Variants in BOC observed in about 807,000 individuals in gnomAD.
BOC encodes the protein BOC cell adhesion associated, oncogene regulated.
BOC carries 76 observed loss-of-function variants against 112.0 expected under a neutral mutation model. The observed-to-expected ratio is 0.68, with a 90% CI of 0.56 to 0.82. The LOEUF (loss-of-function observed/expected upper bound fraction) is 0.82. Among genes scored for constraint, BOC ranks in the 40% least tolerant of loss-of-function variants. The pLI is 0.00. For synonymous variants in BOC, 580 were observed against 599.8 expected, an observed-to-expected ratio of 0.97 and a Z score of 0.48; for missense variants, 1,309 against 1,511.7, an observed-to-expected ratio of 0.87 and a Z score of 2.22.
rs780414960 is a variant in BOC, at chr3:113,273,287, G to A, written c.1180G>A (p.Glu394Lys). Residue 394 changes from glutamate (E) to lysine (K), a missense_variant, in exon 8 of 20, where the codon GAG becomes AAG. Physicochemically the swap from Glu to Lys is moderately conservative, Grantham distance 56 (BLOSUM62 1). Transcript: ENST00000682979. ...EDEGVYQCMA[E>K]NEVGSAHAVV... ...CGAAGGCGTCTACCAGTGCATGGCCGAGAACGAGGTTGGGAGCGCCCATGC... is the reference window on the plus strand; with the variant it reads ...CGAAGGCGTCTACCAGTGCATGGCCAAGAACGAGGTTGGGAGCGCCCATGC... 3.1e-5 allele frequency: 49 copies of A among 1,606,136 alleles called. 1 individual carries two copies. The Admixed American group carries it at 6.3e-4, about 21-fold the overall frequency.
At chr3:113,233,770 T>A (rs1208122963) in intron 2 of BOC, among the ~76,000 whole-genome samples, 1 of 152,152 alleles carries the variant, frequency 6.6e-6, no homozygotes, top group Non-Finnish European at 1.5e-5. Flanking sequence ...GTCAGGCGCC[T>A]ACTTCTCTTT....
intron 17 of BOC, 69 bp downstream of exon 17, chr3:113,284,636 G>T (rs1344008550): frequency 1.3e-6 from 2 of 1,542,446 alleles, no homozygotes; most frequent in African/African-American, 2.7e-5. Flanking sequence ...CTGCCTTGGG[G>T]GGCCTCCTCC....
rs557813207 is a variant in BOC at position 113,279,705 on chromosome 3, A to T, written c.2024-119A>T. 2.0e-3 allele frequency: 2,251 copies of T among 1,136,628 alleles called. 3 individuals are homozygous for T. The highest frequency in any genetic ancestry group is 2.2e-3 in the Non-Finnish European group (1,803 of 803,864). The allele number at this position is 1,136,628 out of a possible 1,614,324, so 70.4% of individuals were successfully genotyped here. On this transcript the variant is annotated intron_variant, in intron 12 of 19. Transcript: ENST00000682979. ...CGGGTGTTCTTGTGAGGCCTTTGAGAACTTGCTTTGGGGAAGGGCTGCCCA... is the reference window on the plus strand; with the variant it reads ...CGGGTGTTCTTGTGAGGCCTTTGAGTACTTGCTTTGGGGAAGGGCTGCCCA...
At position 113,278,839 on chromosome 3, in the gene BOC, G is replaced by T; in HGVS notation, c.1816+56G>T. On this transcript the variant is annotated intron_variant, in intron 11 of 19. Coordinates refer to ENST00000682979, the MANE Select transcript of BOC (RefSeq NM_001378074.1). The surrounding 1 kb of genome is among the most constrained non-coding windows in gnomAD (Gnocchi z 4.2). ...AGTCAGGACTGGAACTGCCTCAGAGGCCTGTTCCCATGGCTGAATGGGGTC... is the reference window on the plus strand; with the variant it reads ...AGTCAGGACTGGAACTGCCTCAGAGTCCTGTTCCCATGGCTGAATGGGGTC... The T allele has an allele frequency of 6.8e-7, 1 of 1,466,248 alleles. No homozygotes were observed. Among genetic ancestry groups the T allele is most frequent in the African/African-American group, 1.4e-5 (1 of 71,284 alleles). The allele number at this position is 1,466,248 out of a possible 1,614,324, so 90.8% of individuals were successfully genotyped here.
chr3:113,228,136 G>A lies in BOC; in HGVS notation c.-82+11862G>A, dbSNP rs76686628. Among the ~76,000 whole-genome samples, 1,471 of 152,272 alleles carry A rather than the reference G, an allele frequency of 9.7e-3. 12 individuals are homozygous for A. The highest frequency in any genetic ancestry group is 0.016 in the Non-Finnish European group (1,071 of 68,010). ...ATTTTACCTTTGGATTCCCAGAGCC[G>A]AGTATTTAATGGATGTTCAATAAGC... On this transcript the variant is annotated intron_variant, in intron 2 of 19. Transcript: ENST00000682979.
intron 4 of BOC, among the ~76,000 whole-genome samples, chr3:113,260,781 C>A (rs759901014): frequency 3.3e-5 from 5 of 149,638 alleles, no homozygotes; most frequent in Non-Finnish European, 7.4e-5. Flanking sequence ...GAATAGGGTT[C>A]ACCATTAGAG....
intron 2 of BOC, among the ~76,000 whole-genome samples, chr3:113,245,132 A>C (rs57661011): frequency 0.033 from 5,021 of 152,326 alleles, 275 homozygotes; most frequent in African/African-American, 0.11. Context: ...ATTAAAAAAA[A>C]TTTTAATTAA....
chr3:113,219,911 T>C (rs1275683018), intron 2 of BOC, among the ~76,000 whole-genome samples: 1 of 152,196 alleles, frequency 6.6e-6, no homozygotes, highest in African/African-American at 2.4e-5. Flanking sequence ...CCCCCTCCCC[T>C]GGGATGTTGT....
chr3:113,245,793 C>A (rs1057437082), intron 2 of BOC, among the ~76,000 whole-genome samples: 1 of 152,252 alleles, frequency 6.6e-6, no homozygotes, highest in Non-Finnish European at 1.5e-5. Context: ...ACATCACACT[C>A]TCTCCTATTC....
In BOC at chr3:113,278,689, C is replaced by G. The variant is rs767305367; in HGVS notation, c.1722C>G (p.Pro574=). Residue 574 remains proline (P), a synonymous_variant, in exon 11 of 20, where the codon CCC becomes CCG. Coordinates refer to ENST00000682979, the MANE Select transcript of BOC (RefSeq NM_001378074.1). The surrounding 1 kb of genome is among the most constrained non-coding windows in gnomAD (Gnocchi z 4.2). ...VTFRTGRRPK[P]EIMASKEQQI... Reference sequence around the variant, plus strand: ...TCCACCCAGGACGGCGGCCCAAACCCGAGATCATGGCCAGCAAAGAGCAGC... The same window carrying G: ...TCCACCCAGGACGGCGGCCCAAACCGGAGATCATGGCCAGCAAAGAGCAGC... 6.4e-7 allele frequency: 1 copy of G among 1,565,106 alleles called. No individual in the cohort carries two copies. The highest frequency in any genetic ancestry group is 8.7e-7 in the Non-Finnish European group (1 of 1,154,362).
At position 113,281,071 on chromosome 3, in the gene BOC, G is replaced by C; in HGVS notation, c.2352G>C (p.Glu784Asp). Residue 784 changes from glutamate to aspartate, a missense_variant, in exon 15 of 20, where the codon GAG (glutamate) becomes GAC (aspartate). Physicochemically the swap from Glu to Asp is conservative, Grantham distance 45. Coordinates refer to ENST00000682979, the MANE Select transcript of BOC (RefSeq NM_001378074.1). ...ACTCCATCAGCCACCTGCAGCCAGA[G>C]ACCTCCTACGACATTAAGATGCAGT... is the stretch of plus-strand genomic sequence containing the variant. ...YWHSISHLQP[E>D]TSYDIKMQCF... The C allele has an allele frequency of 6.2e-7, 1 of 1,614,126 alleles. No individual in the cohort carries two copies. The highest frequency in any genetic ancestry group is 8.5e-7 in the Non-Finnish European group (1 of 1,180,024).
At chr3:113,284,901 C>T in intron 18 of BOC, 43 bp downstream of exon 18, 1 of 1,569,722 alleles carries the variant, frequency 6.4e-7, no homozygotes, top group Non-Finnish European at 8.8e-7. Context: ...CCCACAGCCT[C>T]ACTTTCCCTT....
chr3:113,268,640 T>C (rs1947782615), intron 5 of BOC, among the ~76,000 whole-genome samples, 195 bp downstream of exon 5: 1 of 152,206 alleles, frequency 6.6e-6, no homozygotes, highest in African/African-American at 2.4e-5. Flanking sequence ...AGGATCTTGT[T>C]CTGTCACCCA....
chr3:113,285,637 T>C, intron 19 of BOC, 72 bp downstream of exon 19: 1 of 1,378,228 alleles, frequency 7.3e-7, no homozygotes. Context: ...CACAAGCCAG[T>C]AGTAACAGTC....
chr3:113,261,716 T>C (rs1486140069), intron 4 of BOC: 1 of 152,158 alleles, frequency 6.6e-6, no homozygotes, highest in African/African-American at 2.4e-5. Context: ...CATTGCAAAA[T>C]AGGTTCTTTT....
chr3:113,266,876 T>C (rs1947539482), intron 4 of BOC, among the ~76,000 whole-genome samples: 1 of 152,194 alleles, frequency 6.6e-6, no homozygotes, highest in Non-Finnish European at 1.5e-5. Flanking sequence ...TTCCATTACG[T>C]GGGAAGCCTC....
intron 9 of BOC, among the ~76,000 whole-genome samples, chr3:113,275,435 G>A (rs531215306): frequency 7.7e-4 from 118 of 152,314 alleles, no homozygotes; most frequent in South Asian, 5.6e-3. Context: ...CGCCACTCTC[G>A]CTCAAGGCCG....
Position 113,279,627 on chromosome 3 carries a change from C to T in BOC, c.2023+172C>T. On this transcript the variant is annotated intron_variant, in intron 12 of 19. Coordinates refer to ENST00000682979, the MANE Select transcript of BOC (RefSeq NM_001378074.1). Reference sequence around the variant, plus strand: ...CCACAGTCCTAAAGCCTTCTGCCTCCCTCCAGAAGAGCATCCAGAGCCATC... The same window carrying T: ...CCACAGTCCTAAAGCCTTCTGCCTCTCTCCAGAAGAGCATCCAGAGCCATC... The T allele has an allele frequency of 3.7e-6, 3 of 813,296 alleles. No individual in the cohort carries two copies. The South Asian group carries it at 5.4e-5, about 15-fold the overall frequency. 50.4% of individuals were successfully genotyped at this position (813,296 alleles called of 1,614,324 possible). A position where few individuals can be genotyped will look rare whatever the true frequency, so the allele number is the denominator to read the frequency against.
chr3:113,214,833 G>A (rs534959853), intron 1 of BOC, among the ~76,000 whole-genome samples: 1 of 152,366 alleles, frequency 6.6e-6, no homozygotes, highest in East Asian at 1.9e-4. Context: ...CAGGCTGAAA[G>A]CTTCCTTGTC....
Sources: gnomAD v4.1 joint callset for allele counts (sites outside exome capture counted in the v4.1 genomes callset) on GRCh38, gnomAD v4.1.1 for gene constraint, Gnocchi (gnomAD v3.1) non-coding constraint, MANE v1.5 for transcripts, NCBI Gene and HGNC (gene_info 2026-07-23, HGNC 2026-07-21) for gene names.